The following PTCD2 variants were observed in gnomAD, a reference collection of about 807,000 sequenced individuals.
PTCD2 encodes the protein pentatricopeptide repeat-containing protein 2, mitochondrial.
In PTCD2, 31 loss-of-function variants were observed where a neutral mutation model predicts 42.6. That is an observed-to-expected ratio of 0.73 (90% CI 0.55 to 0.98). The LOEUF is 0.98. PTCD2 is among the 50% of genes least tolerant of loss of function. The pLI is 0.00. For missense variants in PTCD2, 476 were observed against 454.8 expected, an observed-to-expected ratio of 1.05 and a Z score of -0.42; for synonymous variants, 183 against 170.9, an observed-to-expected ratio of 1.07 and a Z score of -0.55.
intron 9 of PTCD2, among the ~76,000 whole-genome samples, chr5:72,355,857 C>G (rs1052656230): frequency 2.6e-5 from 4 of 152,202 alleles, no homozygotes; most frequent in Non-Finnish European, 5.9e-5. Flanking sequence ...TCTCCTGCCT[C>G]TCTTTTATAG....
At chr5:72,349,998 G>A (rs766496488) in intron 8 of PTCD2, among the ~76,000 whole-genome samples, 1 of 152,174 alleles carries the variant, frequency 6.6e-6, no homozygotes, top group African/African-American at 2.4e-5. Flanking sequence ...TTCTAGCAGA[G>A]GGCTCTAGAT....
Position 72,360,656 on chromosome 5 carries a change from C to T in PTCD2, c.*2229C>T, listed in dbSNP as rs1282411378. 2 of 151,168 alleles carry T rather than the reference C, an allele frequency of 1.3e-5. No individual in the cohort carries two copies. The highest frequency in any genetic ancestry group is 2.4e-5 in the African/African-American group (1 of 41,218). 9.4% of individuals were successfully genotyped at this position (151,168 alleles called of 1,614,324 possible). A position where few individuals can be genotyped will look rare whatever the true frequency, so the allele number is the denominator to read the frequency against. ...TGTTTCTTTATAAGCAGTAGTTTGC[C>T]TACATCATTTACTTGTTTTTTTCTG... On this transcript the variant is annotated 3_prime_UTR_variant, in exon 10 of 10. Transcript: ENST00000380639.
chr5:72,358,202 G>C lies in PTCD2; in HGVS notation c.943-1G>C, dbSNP rs1360573755. ...AATGATGTGTTCTTGCTTTTTTCCA[G>C]CTGGCCAAAGTGAGGGAAAAAGTGA... On this transcript the variant is annotated splice_acceptor_variant, in intron 9 of 9. Transcript: ENST00000380639. LOFTEE classifies it high-confidence loss of function. The C allele has an allele frequency of 6.2e-7, 1 of 1,612,746 alleles. No homozygotes were observed. The highest frequency in any genetic ancestry group is 1.7e-4 in the Middle Eastern group (1 of 6,046).
intron 8 of PTCD2, among the ~76,000 whole-genome samples, chr5:72,351,920 G>A (rs61630278): frequency 0.012 from 1,864 of 152,210 alleles, 34 homozygotes; most frequent in African/African-American, 0.043. Context: ...TGTTCATTGA[G>A]TATCTTCTGT....
chr5:72,349,874 G>A (rs938115319), intron 8 of PTCD2, among the ~76,000 whole-genome samples: 55 of 152,230 alleles, frequency 3.6e-4, no homozygotes, highest in African/African-American at 1.3e-3. Flanking sequence ...GTATTTTAAG[G>A]TAATGAGCCT....
At position 72,324,419 on chromosome 5, in the gene PTCD2, C is replaced by T. The variant is rs767069200; in HGVS notation, c.220+2155C>T. On this transcript the variant is annotated intron_variant, in intron 2 of 9. Transcript: ENST00000380639. ...GTGATGGACTCCGCCCTTTCTAGGACGGTTTCTGGTTGATCTAGTCACAGC... is the reference window on the plus strand; with the variant it reads ...GTGATGGACTCCGCCCTTTCTAGGATGGTTTCTGGTTGATCTAGTCACAGC... Among the ~76,000 whole-genome samples, 8 of 152,306 alleles carry T rather than the reference C, an allele frequency of 5.3e-5. No individual in the cohort carries two copies. In the South Asian group the frequency reaches 8.3e-4, roughly 16 times the overall value.
chr5:72,336,346 G>A (rs1384655731), intron 6 of PTCD2, among the ~76,000 whole-genome samples: 1 of 152,126 alleles, frequency 6.6e-6, no homozygotes, highest in Non-Finnish European at 1.5e-5. Flanking sequence ...CTCTATTTGT[G>A]TCACCTCCCT....
rs1250078883 is a variant in PTCD2 at position 72,367,885 on chromosome 5, G to A, written c.*9458G>A. On this transcript the variant is annotated 3_prime_UTR_variant, in exon 10 of 10. Coordinates refer to ENST00000380639, the MANE Select transcript of PTCD2 (RefSeq NM_024754.5). ...AGCTCACTTCTGCAGGACCCACCAT[G>A]ACAAAGTGGAGAGCTGGGCGGTTAA... The A allele has an allele frequency of 6.6e-6, 1 of 152,168 alleles. No homozygotes were observed. The highest frequency in any genetic ancestry group is 6.5e-5 in the Admixed American group (1 of 15,278). The allele number at this position is 152,168 out of a possible 1,614,324, so 9.4% of individuals were successfully genotyped here.
At chr5:72,324,977 C>T (rs563419877) in intron 2 of PTCD2, among the ~76,000 whole-genome samples, 24 of 151,336 alleles carry the variant, frequency 1.6e-4, no homozygotes, top group Admixed American at 9.9e-4. Flanking sequence ...GGCTGGAGTA[C>T]AGTGGCATGA....
chr5:72,338,887 A>G (rs908807434), intron 7 of PTCD2, 152 bp downstream of exon 7: 1 of 488,912 alleles, frequency 2.0e-6, no homozygotes, highest in Non-Finnish European at 3.7e-6. Flanking sequence ...GGCAACCTAT[A>G]TCTATACCTA....
At position 72,342,705 on chromosome 5, in the gene PTCD2, T is replaced by C. The variant is rs1363578867; in HGVS notation, c.754-257T>C. 3.3e-5 allele frequency among the ~76,000 whole-genome samples: 5 copies of C among 152,226 alleles called. No homozygotes were observed. The East Asian group carries it at 7.7e-4, about 23-fold the overall frequency. On this transcript the variant is annotated intron_variant, in intron 7 of 9. Transcript: ENST00000380639. ...CTATTTTTTTAGAAGCTGATTCCAA[T>C]AGGAGAAGGGGAAATACCAACTTTA...
At chr5:72,338,836 A>C in intron 7 of PTCD2, 101 bp downstream of exon 7, 1 of 635,994 alleles carries the variant, frequency 1.6e-6, no homozygotes, top group Non-Finnish European at 2.8e-6. Flanking sequence ...TGCATCGTAA[A>C]GAAGTAGTCA....
intron 8 of PTCD2, among the ~76,000 whole-genome samples, chr5:72,351,027 A>G (rs1049448493): frequency 6.6e-6 from 1 of 152,226 alleles, no homozygotes; most frequent in Non-Finnish European, 1.5e-5. Context: ...TTTTTCTAAT[A>G]TTAATGCTAT....
At chr5:72,326,796 T>C (rs893337341) in intron 3 of PTCD2, 55 bp downstream of exon 3, 1 of 1,575,218 alleles carries the variant, frequency 6.3e-7, no homozygotes, top group Admixed American at 1.7e-5. Context: ...TCTGTTCCTT[T>C]CTATGAGCAG....
At chr5:72,358,118 T>C in intron 9 of PTCD2, 85 bp from the exon 10 acceptor site, 1 of 1,241,206 alleles carries the variant, frequency 8.1e-7, no homozygotes, top group South Asian at 1.3e-5. Flanking sequence ...TTTTTGTTCA[T>C]GTCCATTTCT....
Position 72,366,850 on chromosome 5 carries a change from C to T in PTCD2, c.*8423C>T, listed in dbSNP as rs1351482075. On this transcript the variant is annotated 3_prime_UTR_variant, in exon 10 of 10. Transcript: ENST00000380639. ...ACACGTGAGCACACATGCACACACA[C>T]ATTAGATGTTTTGTGAGAAAACATA... 1.3e-5 allele frequency: 2 copies of T among 152,204 alleles called. No homozygotes were observed. The highest frequency in any genetic ancestry group is 4.8e-5 in the African/African-American group (2 of 41,446). The allele number at this position is 152,204 out of a possible 1,614,324, so 9.4% of individuals were successfully genotyped here.
chr5:72,322,078 ATAGATGT>A (rs1750888515), intron 1 of PTCD2, 87 bp from the exon 2 acceptor site: 1 of 690,286 alleles, frequency 1.4e-6, no homozygotes, highest in Non-Finnish European at 2.6e-6. Context: ...ATTATCTATA[ATAGATGT>A]TAGAGGTAAT....
chr5:72,363,162 C>G lies in PTCD2; in HGVS notation c.*4735C>G, dbSNP rs553808264. On this transcript the variant is annotated 3_prime_UTR_variant, in exon 10 of 10. Transcript: ENST00000380639. ...GATCTTGCTTAAAGGATATTTTAGT[C>G]TTTGATTTCTTTGAGGTAAATGTTC... 1 of 152,286 alleles carries G rather than the reference C, an allele frequency of 6.6e-6. No individual in the cohort carries two copies. Among genetic ancestry groups the G allele is most frequent in the East Asian group, 1.9e-4 (1 of 5,188 alleles). The allele number at this position is 152,286 out of a possible 1,614,324, so 9.4% of individuals were successfully genotyped here.
intron 3 of PTCD2, among the ~76,000 whole-genome samples, chr5:72,327,037 A>G (rs1435689242): frequency 2.0e-5 from 3 of 152,184 alleles, no homozygotes; most frequent in African/African-American, 7.2e-5. Flanking sequence ...CATTATGTAC[A>G]AATTCACTCC....
Sources: allele counts gnomAD v4.1 joint callset (sites outside exome capture counted in the v4.1 genomes callset), GRCh38; gene constraint gnomAD v4.1.1; transcripts MANE v1.5; gene names NCBI Gene and HGNC (gene_info 2026-07-23, HGNC 2026-07-21).